ARPC5: variants seen among roughly 807,000 people sequenced by gnomAD.
The protein encoded by ARPC5 is actin related protein 2/3 complex subunit 5.
ARPC5 carries 5 observed loss-of-function variants against 15.4 expected under a neutral mutation model. The observed-to-expected ratio is 0.32, with a 90% CI of 0.17 to 0.68. ARPC5 has a LOEUF of 0.68. Among genes scored for constraint, ARPC5 ranks in the 30% least tolerant of loss-of-function variants. ARPC5 has a pLI of 0.71. For synonymous variants in ARPC5, 85 were observed against 72.2 expected (o/e 1.18, Z -0.90); for missense variants, 138 against 192.8 (o/e 0.72, Z 1.68).
Position 183,625,177 on chromosome 1 carries a change from A to AT in ARPC5, c.*2354dup, listed in dbSNP as rs1389727418. ...AAAGTGTCCTATGGCATTTATATAT[A>AT]TTTTTTCCGCAATTAATCCTATTCC... On this transcript the variant is annotated 3_prime_UTR_variant, in exon 4 of 4. Transcript: ENST00000359856. 1 of 152,090 alleles carries AT rather than the reference A, an allele frequency of 6.6e-6. No homozygotes were observed. The highest frequency in any genetic ancestry group is 1.5e-5 in the Non-Finnish European group (1 of 68,032). 9.4% of individuals were successfully genotyped at this position (152,090 alleles called of 1,614,324 possible).
intron 1 of ARPC5, 126 bp downstream of exon 1, chr1:183,635,391 G>A (rs1161112319): frequency 8.5e-7 from 1 of 1,178,988 alleles, no homozygotes; most frequent in East Asian, 2.7e-5. Context: ...CAAAGAGACA[G>A]GTTAAGCCGC....
Position 183,630,774 on chromosome 1 carries a change from G to T in ARPC5, c.217-137C>A, listed in dbSNP as rs112719758. 6.3e-5 allele frequency: 49 copies of T among 779,148 alleles called. No homozygotes were observed. The Middle Eastern group carries it at 1.9e-3, about 30-fold the overall frequency. The allele number at this position is 779,148 out of a possible 1,614,324, so 48.3% of individuals were successfully genotyped here. The stretch of plus-strand genomic sequence containing the variant: ...TGAAAGAAGGCTTGGGATAACTGAG[G>T]AAAGTGTTTCAGACAGAGGAAAGAA... On this transcript the variant is annotated intron_variant, in intron 2 of 3. Coordinates refer to ENST00000359856, the MANE Select transcript of ARPC5 (RefSeq NM_005717.4).
rs537685810 is a variant in ARPC5 at position 183,635,131 on chromosome 1, T to C, written c.143+386A>G. 1.3e-4 allele frequency among the ~76,000 whole-genome samples: 20 copies of C among 152,296 alleles called. No homozygotes were observed. The South Asian group carries it at 3.9e-3, about 30-fold the overall frequency. ...ATGTGACCCCAGGAAATCAGAGTTC[T>C]AGGAAGAAAAACTAAGGCGCTCGGC... On this transcript the variant is annotated intron_variant, in intron 1 of 3. Transcript: ENST00000359856.
In ARPC5 at chr1:183,624,419, G is replaced by A. The variant is rs966354771; in HGVS notation, c.*3113C>T. On this transcript the variant is annotated 3_prime_UTR_variant, in exon 4 of 4. Coordinates refer to ENST00000359856, the MANE Select transcript of ARPC5 (RefSeq NM_005717.4). ...CCAGCTACTTGGGAGGCTGAGGCAG[G>A]AGAATGGCGTGAACCCAGGAGGCAG... The A allele has an allele frequency of 1.3e-5, 2 of 152,086 alleles. No individual in the cohort carries two copies. Among genetic ancestry groups the A allele is most frequent in the African/African-American group, 4.8e-5 (2 of 41,398 alleles). The allele number at this position is 152,086 out of a possible 1,614,324, so 9.4% of individuals were successfully genotyped here.
intron 1 of ARPC5, 161 bp from the exon 2 acceptor site, chr1:183,633,315 G>T: frequency 2.0e-6 from 1 of 508,352 alleles, no homozygotes; most frequent in Non-Finnish European, 3.5e-6. Context: ...TTAATCAAAG[G>T]CAAAATATCA....
intron 3 of ARPC5, among the ~76,000 whole-genome samples, chr1:183,629,704 C>G (rs1034698469): frequency 2.6e-5 from 4 of 152,180 alleles, no homozygotes; most frequent in Admixed American, 2.6e-4. Flanking sequence ...CTCCAAACTC[C>G]TAATTCTTTA....
intron 3 of ARPC5, among the ~76,000 whole-genome samples, chr1:183,629,799 A>G (rs757524710): frequency 3.9e-5 from 6 of 152,208 alleles, no homozygotes; most frequent in Admixed American, 1.3e-4. Context: ...TATATTCACA[A>G]TGTACTGTAG....
At chr1:183,631,928 C>G (rs1296157200) in intron 2 of ARPC5, 1 of 152,210 alleles carries the variant, frequency 6.6e-6, no homozygotes, top group Non-Finnish European at 1.5e-5. Flanking sequence ...AGCATTCCTA[C>G]TGGTCAGGAT....
rs1649072839 is a variant in ARPC5, at chr1:183,625,557, T to C, written c.*1975A>G. On this transcript the variant is annotated 3_prime_UTR_variant, in exon 4 of 4. Transcript: ENST00000359856. ...CCTACTTGACTACCTCTAATACCTA[T>C]TGGCTAAGGCACAGTGGCATGTGCC... 2 of 152,218 alleles carry C rather than the reference T, an allele frequency of 1.3e-5. No homozygotes were observed. The highest frequency in any genetic ancestry group is 2.9e-5 in the Non-Finnish European group (2 of 68,040). The allele number at this position is 152,218 out of a possible 1,614,324, so 9.4% of individuals were successfully genotyped here. A position where few individuals can be genotyped will look rare whatever the true frequency, so the allele number is the denominator to read the frequency against.
rs1215313218 is a variant in ARPC5 at position 183,633,064 on chromosome 1, TTGTA to T, written c.216+14_216+17del. On this transcript the variant is annotated intron_variant, in intron 2 of 3. Transcript: ENST00000359856. ...TAAGATATCAGCAGAGATCACTGTG[TTGTA>T]GTCTGCGACTCACCTTCACTGCCTG... is the stretch of plus-strand genomic sequence containing the variant. 6 of 1,577,790 alleles carry T rather than the reference TTGTA, an allele frequency of 3.8e-6. No individual in the cohort carries two copies. Among genetic ancestry groups the T allele is most frequent in the Non-Finnish European group, 4.3e-6 (5 of 1,154,888 alleles).
intron 3 of ARPC5, 24 bp from the exon 4 acceptor site, chr1:183,627,618 T>C: frequency 1.3e-6 from 2 of 1,591,438 alleles, no homozygotes; most frequent in Non-Finnish European, 1.7e-6. Context: ...AAGATGTAAA[T>C]GTTGACAGAA....
At position 183,625,096 on chromosome 1, in the gene ARPC5, T is replaced by TA. The variant is rs1262404761; in HGVS notation, c.*2435dup. ...AAATGCCAAAAAAGAAACCAAATAGTAAAAGCACTGAGATTAAAGGAGGAG... is the reference window on the plus strand; with the variant it reads ...AAATGCCAAAAAAGAAACCAAATAGTAAAAAGCACTGAGATTAAAGGAGGAG... On this transcript the variant is annotated 3_prime_UTR_variant, in exon 4 of 4. Coordinates refer to ENST00000359856, the MANE Select transcript of ARPC5 (RefSeq NM_005717.4). 1.3e-5 allele frequency: 2 copies of TA among 152,218 alleles called. No individual in the cohort carries two copies. Among genetic ancestry groups the TA allele is most frequent in the East Asian group, 3.8e-4 (2 of 5,198 alleles). 9.4% of individuals were successfully genotyped at this position (152,218 alleles called of 1,614,324 possible). A position where few individuals can be genotyped will look rare whatever the true frequency, so the allele number is the denominator to read the frequency against.
chr1:183,635,270 C>T (rs1269794489), intron 1 of ARPC5, among the ~76,000 whole-genome samples: 3 of 152,210 alleles, frequency 2.0e-5, no homozygotes, highest in African/African-American at 7.2e-5. Flanking sequence ...AATCTGGGGG[C>T]GTGGAAGGCG....
rs558315818 is a variant in ARPC5, at chr1:183,625,486, C to G, written c.*2046G>C. 28 of 152,318 alleles carry G rather than the reference C, an allele frequency of 1.8e-4. No individual in the cohort carries two copies. Among genetic ancestry groups the G allele is most frequent in the African/African-American group, 6.5e-4 (27 of 41,562 alleles). 9.4% of individuals were successfully genotyped at this position (152,318 alleles called of 1,614,324 possible). Reference sequence around the variant, plus strand: ...TGTTAAGAAGGATTTTATGAAAAAGCATTCAGTATCATTTGATTTTAAAGT... The same window carrying G: ...TGTTAAGAAGGATTTTATGAAAAAGGATTCAGTATCATTTGATTTTAAAGT... On this transcript the variant is annotated 3_prime_UTR_variant, in exon 4 of 4. Coordinates refer to ENST00000359856, the MANE Select transcript of ARPC5 (RefSeq NM_005717.4).
chr1:183,627,569 G>C lies in ARPC5; in HGVS notation c.419C>G (p.Ser140Cys). 6.2e-7 allele frequency: 1 copy of C among 1,614,018 alleles called. No homozygotes were observed. The highest frequency in any genetic ancestry group is 8.5e-7 in the Non-Finnish European group (1 of 1,179,932). ...TCTTGCAGTCAAGACACGAACAATG[G>C]ACCCTACTCCTCCAGCAGCAAGTGC... ...EKALAAGGVG[S>C]IVRVLTARKT... Residue 140 changes from serine (S) to cysteine (C), a missense_variant, in exon 4 of 4, where the codon TCC (serine) becomes TGC (cysteine). This residue lies in a region of ARPC5 where 121 missense variants were observed against 153.7 expected (regional missense o/e 0.79). Coordinates refer to ENST00000359856, the MANE Select transcript of ARPC5 (RefSeq NM_005717.4).
chr1:183,633,065 T>C lies in ARPC5; in HGVS notation c.216+17A>G, dbSNP rs78577117. The C allele has an allele frequency of 5.3e-3, 8,362 of 1,580,834 alleles. 21 individuals carry two copies. Among genetic ancestry groups the C allele is most frequent in the Non-Finnish European group, 6.6e-3 (7,652 of 1,157,574 alleles). ...AAGATATCAGCAGAGATCACTGTGT[T>C]GTAGTCTGCGACTCACCTTCACTGC... is the stretch of plus-strand genomic sequence containing the variant. On this transcript the variant is annotated intron_variant, in intron 2 of 3. Transcript: ENST00000359856.
In ARPC5 at chr1:183,623,553, G is replaced by A. The variant is rs1376360406; in HGVS notation, c.*3979C>T. 1.3e-6 allele frequency: 2 copies of A among 1,543,956 alleles called. No homozygotes were observed. The highest frequency in any genetic ancestry group is 4.9e-5 in the East Asian group (2 of 40,882). On this transcript the variant is annotated 3_prime_UTR_variant, in exon 4 of 4. Coordinates refer to ENST00000359856, the MANE Select transcript of ARPC5 (RefSeq NM_005717.4). ...TGAGGGGGAGAGGGAGTGGGGCAGA[G>A]GTCCCGCGGCAGGAATATGGACAGA...
chr1:183,634,902 CTT>C (rs1558123703), intron 1 of ARPC5, among the ~76,000 whole-genome samples: 9 of 129,912 alleles, frequency 6.9e-5, no homozygotes, highest in African/African-American at 3.0e-4. Context: ...GCCAAATCCC[CTT>C]CTTCTTCTTC....
chr1:183,634,131 T>C (rs527558977), intron 1 of ARPC5, among the ~76,000 whole-genome samples: 28 of 152,338 alleles, frequency 1.8e-4, no homozygotes, highest in African/African-American at 6.5e-4. Flanking sequence ...ATAATGTTTT[T>C]AGGAAGCATG....
Sources: allele counts gnomAD v4.1 joint callset (sites outside exome capture counted in the v4.1 genomes callset), GRCh38; gene constraint gnomAD v4.1.1; regional missense constraint gnomAD v4.1.1; transcripts MANE v1.5; gene names NCBI Gene and HGNC (gene_info 2026-07-23, HGNC 2026-07-21).